The following STIM2 variants were observed in gnomAD, a reference collection of about 807,000 sequenced individuals.
The protein encoded by STIM2 is stromal interaction molecule 2.
A neutral mutation model predicts 85.8 loss-of-function variants in STIM2; 31 were observed. That is an observed-to-expected ratio of 0.36 (90% CI 0.27 to 0.49). The LOEUF (loss-of-function observed/expected upper bound fraction) is 0.49. Ranked by LOEUF, STIM2 falls within the 20% of genes least tolerant of loss-of-function variation. The pLI, the probability that STIM2 is intolerant of heterozygous loss-of-function variation, is 0.98. For missense variants in STIM2, 841 were observed against 927.6 expected, an observed-to-expected ratio of 0.91 and a Z score of 1.21; for synonymous variants, 356 against 331.1, an observed-to-expected ratio of 1.08 and a Z score of -0.82.
intron 11 of STIM2, chr4:27,019,437 G>T (rs1029144131): frequency 7.8e-7 from 1 of 1,289,784 alleles, no homozygotes; most frequent in Non-Finnish European, 1.0e-6. Context: ...TTTACTGACA[G>T]AACTGGTCTT....
At chr4:26,906,539 CA>C (rs1414401227) in intron 1 of STIM2, among the ~76,000 whole-genome samples, 1 of 145,880 alleles carries the variant, frequency 6.9e-6, no homozygotes, top group African/African-American at 2.5e-5. Context: ...AGTGTCATCT[CA>C]AAAAAAATTT....
At chr4:27,021,476 G>C (rs1477239902) in intron 11 of STIM2, 1 of 456,590 alleles carries the variant, frequency 2.2e-6, no homozygotes, top group Non-Finnish European at 4.4e-6. Flanking sequence ...GAGGGGTCTC[G>C]AGGTTGGCAT....
At chr4:26,976,911 G>A (rs896771438) in intron 3 of STIM2, among the ~76,000 whole-genome samples, 3 of 152,166 alleles carry the variant, frequency 2.0e-5, no homozygotes, top group Non-Finnish European at 2.9e-5. Flanking sequence ...TGGAGTTAAC[G>A]CTCTTTTAGA....
At chr4:27,002,463 T>C in intron 6 of STIM2, 69 bp downstream of exon 6, 2 of 1,222,738 alleles carry the variant, frequency 1.6e-6, no homozygotes, top group Non-Finnish European at 2.3e-6. Flanking sequence ...GATATGGGCA[T>C]GTGCTTAAAT....
intron 3 of STIM2, among the ~76,000 whole-genome samples, chr4:26,985,425 A>G (rs566007880): frequency 2.0e-4 from 31 of 152,324 alleles, no homozygotes; most frequent in African/African-American, 6.3e-4. Context: ...AAAGTAGTCA[A>G]TACTGGTGTA....
At chr4:26,991,486 T>C (rs1450907685) in intron 3 of STIM2, among the ~76,000 whole-genome samples, 1 of 152,018 alleles carries the variant, frequency 6.6e-6, no homozygotes, top group East Asian at 1.9e-4. Context: ...TAGGTAGAAG[T>C]AATAAGTTCT....
chr4:26,861,195 C>T lies in STIM2; in HGVS notation c.-24C>T, dbSNP rs1722165938. On this transcript the variant is annotated 5_prime_UTR_variant, in exon 1 of 12. Transcript: ENST00000467087. ...TCCTGGCCCAGCGTGGGGCTGGCTGCTGCGGCGGCGGCGCTGGGCTGCGTT... is the reference window on the plus strand; with the variant it reads ...TCCTGGCCCAGCGTGGGGCTGGCTGTTGCGGCGGCGGCGCTGGGCTGCGTT... 2 of 1,447,600 alleles carry T rather than the reference C, an allele frequency of 1.4e-6. No homozygotes were observed. The highest frequency in any genetic ancestry group is 1.5e-5 in the African/African-American group (1 of 68,576). 89.7% of individuals were successfully genotyped at this position (1,447,600 alleles called of 1,614,324 possible).
At chr4:26,977,512 T>C (rs1727243005) in intron 3 of STIM2, among the ~76,000 whole-genome samples, 1 of 152,198 alleles carries the variant, frequency 6.6e-6, no homozygotes. Flanking sequence ...AGAAGACCTG[T>C]TGAGGCTTCG....
intron 1 of STIM2, among the ~76,000 whole-genome samples, chr4:26,909,890 A>G (rs959203288): frequency 1.3e-5 from 2 of 152,172 alleles, no homozygotes; most frequent in African/African-American, 2.4e-5. Flanking sequence ...TAGGGTCTCA[A>G]AAGGGCCAGT....
chr4:26,933,416 A>G (rs1488663335), intron 2 of STIM2, among the ~76,000 whole-genome samples: 2 of 152,188 alleles, frequency 1.3e-5, no homozygotes, highest in African/African-American at 4.8e-5. Flanking sequence ...AGTAGATTTG[A>G]TGCAAATGTG....
intron 3 of STIM2, among the ~76,000 whole-genome samples, chr4:26,959,935 A>C (rs1466061194): frequency 6.6e-6 from 1 of 152,150 alleles, no homozygotes; most frequent in Non-Finnish European, 1.5e-5. Flanking sequence ...CAGTATTCCT[A>C]GTAATGCAGC....
chr4:27,009,027 T>A (rs1216966289), intron 10 of STIM2, 25 bp downstream of exon 10: 2 of 1,598,768 alleles, frequency 1.3e-6, no homozygotes. Context: ...CAACAAAAAT[T>A]GTTGGTACAG....
chr4:26,996,909 T>C (rs1171028525), intron 4 of STIM2, among the ~76,000 whole-genome samples: 1 of 152,162 alleles, frequency 6.6e-6, no homozygotes, highest in Non-Finnish European at 1.5e-5. Context: ...GTGTTATAGC[T>C]ACTCATTTCC....
chr4:27,004,438 C>A (rs149572034), intron 7 of STIM2, among the ~76,000 whole-genome samples: 1 of 152,044 alleles, frequency 6.6e-6, no homozygotes, highest in East Asian at 1.9e-4. Flanking sequence ...GTAAGAACTC[C>A]CTGCCTTTTT....
At chr4:26,967,826 C>A (rs925180797) in intron 3 of STIM2, among the ~76,000 whole-genome samples, 1 of 152,132 alleles carries the variant, frequency 6.6e-6, no homozygotes, top group African/African-American at 2.4e-5. Context: ...CCCCCTCCCC[C>A]CTCCTCCAAC....
At position 27,022,954 on chromosome 4, in the gene STIM2, G is replaced by A. The variant is rs570017447; in HGVS notation, c.2199G>A (p.Lys733=). 7 of 1,613,676 alleles carry A rather than the reference G, an allele frequency of 4.3e-6. No individual in the cohort carries two copies. The East Asian group carries it at 6.7e-5, about 15-fold the overall frequency. The change falls in exon 12 of 12, where the codon AAG becomes AAA. Residue 733 remains lysine, a synonymous_variant. Coordinates refer to ENST00000467087, the MANE Select transcript of STIM2 (RefSeq NM_020860.4). ...GTCATAATGGAGAGAAAAGCAAAAA[G>A]CCATCAAAAATCAAAAGCCTTTTTA...
At chr4:26,950,545 G>A (rs1468437733) in intron 2 of STIM2, among the ~76,000 whole-genome samples, 1 of 152,106 alleles carries the variant, frequency 6.6e-6, no homozygotes, top group African/African-American at 2.4e-5. Context: ...AGGGCCTGTG[G>A]GAGTGGGTGC....
At chr4:26,931,154 C>T (rs1277974003) in intron 2 of STIM2, among the ~76,000 whole-genome samples, 1 of 152,062 alleles carries the variant, frequency 6.6e-6, no homozygotes, top group Non-Finnish European at 1.5e-5. Context: ...TTCCCTCAGC[C>T]CACTGTTTCA....
intron 1 of STIM2, among the ~76,000 whole-genome samples, chr4:26,900,834 T>C (rs1723891484): frequency 6.6e-6 from 1 of 152,196 alleles, no homozygotes; most frequent in African/African-American, 2.4e-5. Flanking sequence ...TGTAGTGTCT[T>C]ATCCCCTGGA....
Sources: allele counts gnomAD v4.1 joint callset (sites outside exome capture counted in the v4.1 genomes callset), GRCh38; gene constraint gnomAD v4.1.1; transcripts MANE v1.5; gene names NCBI Gene and HGNC (gene_info 2026-07-23, HGNC 2026-07-21).